Variants in SCML4 observed in about 807,000 individuals in gnomAD.
The protein encoded by SCML4 is sex comb on midleg-like protein 4.
Under a neutral mutation model 41.1 loss-of-function variants are expected in SCML4, and 34 were observed. The observed-to-expected ratio is 0.83, with a 90% CI of 0.63 to 1.10. The LOEUF (loss-of-function observed/expected upper bound fraction) is 1.10. SCML4 is among the 50% of genes least tolerant of loss of function. The pLI is 0.00. For missense variants in SCML4, 522 were observed against 534.1 expected (o/e 0.98, Z 0.22); for synonymous variants, 214 against 220.9 (o/e 0.97, Z 0.28).
At chr6:107,747,412 A>G (rs1562213390) in intron 3 of SCML4, among the ~76,000 whole-genome samples, 2 of 152,014 alleles carry the variant, frequency 1.3e-5, no homozygotes, top group Non-Finnish European at 2.9e-5. Flanking sequence ...ATATTCAACA[A>G]CCCGCTTAGG....
At chr6:107,711,714 G>A (rs911646161) in intron 6 of SCML4, among the ~76,000 whole-genome samples, 1 of 152,096 alleles carries the variant, frequency 6.6e-6, no homozygotes, top group South Asian at 2.1e-4. Flanking sequence ...CTATTTTAAG[G>A]CTAGAAAAAA....
intron 1 of SCML4, among the ~76,000 whole-genome samples, chr6:107,796,674 A>G (rs1448413931): frequency 6.6e-6 from 1 of 152,146 alleles, no homozygotes; most frequent in African/African-American, 2.4e-5. Context: ...CTTTTGTTTT[A>G]TGATTAGTGG....
At chr6:107,721,613 C>T (rs1159768229) in intron 5 of SCML4, among the ~76,000 whole-genome samples, 1 of 152,206 alleles carries the variant, frequency 6.6e-6, no homozygotes, top group African/African-American at 2.4e-5. Context: ...CAGAATCTCC[C>T]TGTACTCCCT....
intron 1 of SCML4, among the ~76,000 whole-genome samples, chr6:107,794,033 A>G (rs2114619345): frequency 6.6e-6 from 1 of 152,342 alleles, no homozygotes; most frequent in South Asian, 2.1e-4. Context: ...CATCCCAACC[A>G]TCAATCTCTC....
At chr6:107,816,794 A>G (rs1309613479) in intron 1 of SCML4, among the ~76,000 whole-genome samples, 2 of 152,232 alleles carry the variant, frequency 1.3e-5, no homozygotes, top group African/African-American at 4.8e-5. Flanking sequence ...TTTCCTTCAA[A>G]CATATTGTTT....
intron 1 of SCML4, among the ~76,000 whole-genome samples, chr6:107,809,457 C>A (rs1185837460): frequency 6.6e-6 from 1 of 152,088 alleles, no homozygotes; most frequent in East Asian, 1.9e-4. Flanking sequence ...TCATGGTGGT[C>A]CCTGTGAAGG....
intron 1 of SCML4, among the ~76,000 whole-genome samples, chr6:107,795,165 T>C (rs1322481471): frequency 2.6e-5 from 4 of 152,238 alleles, no homozygotes; most frequent in Non-Finnish European, 5.9e-5. Flanking sequence ...GGGAAAATGC[T>C]GCCTTTTATC....
At chr6:107,760,186 C>T (rs984715269) in intron 2 of SCML4, among the ~76,000 whole-genome samples, 1 of 151,696 alleles carries the variant, frequency 6.6e-6, no homozygotes, top group Non-Finnish European at 1.5e-5. Flanking sequence ...ATTTGAAGTC[C>T]TGTTTCTGGT....
chr6:107,740,474 G>A (rs1258521740), intron 5 of SCML4, among the ~76,000 whole-genome samples: 1 of 152,204 alleles, frequency 6.6e-6, no homozygotes, highest in Admixed American at 6.5e-5. Flanking sequence ...GATGGCCCTT[G>A]GCTGGCAGAA....
intron 5 of SCML4, among the ~76,000 whole-genome samples, chr6:107,733,463 G>C (rs140348030): frequency 1.6e-4 from 24 of 152,292 alleles, no homozygotes; most frequent in Non-Finnish European, 2.5e-4. Context: ...CCACTATTAG[G>C]AGAGAGTTCA....
chr6:107,826,144 T>C (rs1435421861), upstream of SCML4, among the ~76,000 whole-genome samples: 1 of 151,428 alleles, frequency 6.6e-6, no homozygotes, highest in African/African-American at 2.4e-5. Context: ...CTCGGGAGGC[T>C]GAGGCAGGAG....
chr6:107,829,069 T>C (rs1043571958), upstream of SCML4, among the ~76,000 whole-genome samples: 1 of 152,200 alleles, frequency 6.6e-6, no homozygotes, highest in African/African-American at 2.4e-5. Flanking sequence ...TCAAATTTTA[T>C]TTTGAAAAAA....
intron 2 of SCML4, among the ~76,000 whole-genome samples, chr6:107,764,643 T>G (rs1035734461): frequency 6.6e-6 from 1 of 152,120 alleles, no homozygotes. Context: ...CAGTATTCCA[T>G]GGGTACCAGG....
intron 1 of SCML4, among the ~76,000 whole-genome samples, chr6:107,820,097 C>T (rs1253324282): frequency 6.6e-6 from 1 of 152,212 alleles, no homozygotes; most frequent in African/African-American, 2.4e-5. Flanking sequence ...ACCCCATCCG[C>T]CTGAAGGCAG....
At position 107,749,718 on chromosome 6, in the gene SCML4, C is replaced by T. The variant is rs140517190; in HGVS notation, c.252G>A (p.Thr84=). 531 of 1,613,948 alleles carry T rather than the reference C, an allele frequency of 3.3e-4. No individual in the cohort carries two copies. Among genetic ancestry groups the T allele is most frequent in the Non-Finnish European group, 4.1e-4 (487 of 1,179,980 alleles). The change falls in exon 3 of 8, where the codon ACG becomes ACA. Residue 84 remains threonine, a synonymous_variant. Coordinates refer to ENST00000369020, the MANE Select transcript of SCML4 (RefSeq NM_198081.5). ...DLSSIPQDAA[T]VPSLAAPQAL... Reference sequence around the variant, plus strand: ...CCTGTGGGGCCGCCAAGCTGGGGACCGTGGCTGCGTCCTGAGGGATGGAGC... The same window carrying T: ...CCTGTGGGGCCGCCAAGCTGGGGACTGTGGCTGCGTCCTGAGGGATGGAGC...
At chr6:107,845,376 G>T in the SCML4 span, among the ~76,000 whole-genome samples, 1 of 152,222 alleles carries the variant, frequency 6.6e-6, no homozygotes, top group African/African-American at 2.4e-5. Flanking sequence ...CATCACTGGA[G>T]CCTAGAGACG....
Position 107,779,036 on chromosome 6 carries a change from C to T in SCML4, c.-59-6650G>A, listed in dbSNP as rs978631886. 5.9e-5 allele frequency among the ~76,000 whole-genome samples: 9 copies of T among 152,136 alleles called. No individual in the cohort carries two copies. The East Asian group carries it at 1.6e-3, about 26-fold the overall frequency. On this transcript the variant is annotated intron_variant, in intron 1 of 7. Coordinates refer to ENST00000369020, the MANE Select transcript of SCML4 (RefSeq NM_198081.5). ...TCTACTAAAAATACAAAACATTAGC[C>T]GGGCGTGGTGGCGGGCGCCTGTAGT...
chr6:107,844,464 G>A, the SCML4 span, among the ~76,000 whole-genome samples: 4 of 152,188 alleles, frequency 2.6e-5, no homozygotes, highest in Non-Finnish European at 4.4e-5. Context: ...CTGGAAGGCC[G>A]AGGCTGGAGG....
intron 6 of SCML4, among the ~76,000 whole-genome samples, chr6:107,715,936 A>T (rs1481865473): frequency 1.4e-5 from 2 of 138,530 alleles, no homozygotes; most frequent in African/African-American, 5.4e-5. Context: ...TTTTTTGATG[A>T]TAACTGCTTT....
Sources: gnomAD v4.1 joint callset for allele counts (sites outside exome capture counted in the v4.1 genomes callset) on GRCh38, gnomAD v4.1.1 for gene constraint, MANE v1.5 for transcripts, NCBI Gene and HGNC (gene_info 2026-07-23, HGNC 2026-07-21) for gene names.